The following WDFY3 variants were observed in gnomAD, a reference collection of about 807,000 sequenced individuals.
WDFY3 encodes WD repeat and FYVE domain-containing protein 3.
A neutral mutation model predicts 409.6 loss-of-function variants in WDFY3; 66 were observed. That is an observed-to-expected ratio of 0.16 (90% CI 0.13 to 0.20). The LOEUF (loss-of-function observed/expected upper bound fraction) is 0.20. WDFY3 is among the 10% of genes least tolerant of loss of function. The pLI is 1.00. For missense variants in WDFY3, 3,031 were observed against 4,298.1 expected (o/e 0.71, Z 8.24); for synonymous variants, 1,521 against 1,537.1 (o/e 0.99, Z 0.25).
intron 3 of WDFY3, chr4:84,879,259 T>C (rs1014348212): frequency 6.6e-6 from 1 of 152,222 alleles, no homozygotes; most frequent in Non-Finnish European, 1.5e-5. Context: ...TGGTCTTTGT[T>C]TGAAATAACA....
At chr4:84,953,226 C>CA (rs547010687) in intron 1 of WDFY3, among the ~76,000 whole-genome samples, 107 of 130,856 alleles carry the variant, frequency 8.2e-4, no homozygotes, top group African/African-American at 1.8e-3. Flanking sequence ...TATCTGGTAT[C>CA]AAAAAAAAAA....
At chr4:84,769,425 A>T (rs556422140) in intron 30 of WDFY3, among the ~76,000 whole-genome samples, 435 of 151,728 alleles carry the variant, frequency 2.9e-3, no homozygotes, top group East Asian at 8.2e-3. Context: ...TATTATTATT[A>T]TTTTTTTGAG....
intron 1 of WDFY3, among the ~76,000 whole-genome samples, chr4:84,961,551 T>TAA (rs1774920235): frequency 6.6e-6 from 1 of 152,200 alleles, no homozygotes; most frequent in Admixed American, 6.5e-5. Context: ...TTACAAAAAG[T>TAA]AATTTTAACA....
At chr4:84,762,129 A>C (rs904071056) in intron 32 of WDFY3, among the ~76,000 whole-genome samples, 35 of 152,066 alleles carry the variant, frequency 2.3e-4, no homozygotes, top group Non-Finnish European at 3.8e-4. Context: ...ACCCAAAGGA[A>C]TATAAATCAT....
At chr4:84,673,841 T>A (rs1725823929) in intron 67 of WDFY3, among the ~76,000 whole-genome samples, 1 of 152,242 alleles carries the variant, frequency 6.6e-6, no homozygotes, top group South Asian at 2.1e-4. Context: ...GTCCTCAAAC[T>A]CCTGGCCTCA....
chr4:84,796,557 G>C lies in WDFY3; in HGVS notation c.3131C>G (p.Ala1044Gly). ...AAGTGATGTGTCAAATTCAACAAAA[G>C]CTGGAGTAACTGATGACCCATGAAG... ...IRLHGSSVTP[A>G]FVEFDTSLEG... Residue 1044 changes from alanine to glycine, a missense_variant, in exon 19 of 68, where the codon GCT becomes GGT. By Grantham distance (60) the Ala-to-Gly change is moderately conservative. This residue lies in a region of WDFY3 where 1,322 missense variants were observed against 1,697.9 expected (regional missense o/e 0.78). Coordinates refer to ENST00000295888, the MANE Select transcript of WDFY3 (RefSeq NM_014991.6). 6.2e-7 allele frequency: 1 copy of C among 1,604,364 alleles called. No individual in the cohort carries two copies. The highest frequency in any genetic ancestry group is 1.3e-5 in the African/African-American group (1 of 74,704).
intron 53 of WDFY3, among the ~76,000 whole-genome samples, chr4:84,707,176 C>A (rs908097600): frequency 1.3e-5 from 2 of 152,002 alleles, no homozygotes; most frequent in Non-Finnish European, 2.9e-5. Flanking sequence ...GCGATTTGCC[C>A]TCCTCGGCCT....
chr4:84,872,691 G>C (rs963120746), intron 3 of WDFY3, among the ~76,000 whole-genome samples: 5 of 151,854 alleles, frequency 3.3e-5, no homozygotes, highest in African/African-American at 1.2e-4. Flanking sequence ...AATGTCAGAG[G>C]GGATTAAAAA....
chr4:84,866,173 G>A (rs567739253), intron 3 of WDFY3, among the ~76,000 whole-genome samples: 152 of 152,246 alleles, frequency 1.0e-3, no homozygotes, highest in Middle Eastern at 3.4e-3. Flanking sequence ...GAAAAAATCA[G>A]ATTCCTCCTT....
intron 3 of WDFY3, among the ~76,000 whole-genome samples, chr4:84,868,091 C>G (rs897834226): frequency 5.4e-5 from 7 of 130,242 alleles, no homozygotes; most frequent in African/African-American, 1.1e-4. Flanking sequence ...ATGGCTTGAA[C>G]CCAGGAGGAG....
intron 2 of WDFY3, among the ~76,000 whole-genome samples, chr4:84,914,060 C>T (rs574231798): frequency 2.6e-5 from 4 of 152,276 alleles, no homozygotes; most frequent in Admixed American, 1.3e-4. Flanking sequence ...TTTAAGAATA[C>T]ATATATTATG....
At chr4:84,733,939 T>C (rs927065042) in intron 43 of WDFY3, among the ~76,000 whole-genome samples, 1 of 152,146 alleles carries the variant, frequency 6.6e-6, no homozygotes, top group South Asian at 2.1e-4. Context: ...GTTAGCCCTA[T>C]GTGCGTTAAT....
At chr4:84,749,053 A>G (rs1740022859) in intron 36 of WDFY3, among the ~76,000 whole-genome samples, 1 of 151,946 alleles carries the variant, frequency 6.6e-6, no homozygotes, top group Non-Finnish European at 1.5e-5. Context: ...AACACTGGCT[A>G]TGGCTAATTT....
chr4:84,672,635 G>T lies in WDFY3; in HGVS notation c.*233C>A. The T allele has an allele frequency of 2.8e-6, 1 of 358,398 alleles. No homozygotes were observed. The highest frequency in any genetic ancestry group is 4.9e-6 in the Non-Finnish European group (1 of 204,458). 22.2% of individuals were successfully genotyped at this position (358,398 alleles called of 1,614,324 possible). On this transcript the variant is annotated 3_prime_UTR_variant, in exon 68 of 68. Coordinates refer to ENST00000295888, the MANE Select transcript of WDFY3 (RefSeq NM_014991.6). ...TCAGGGAGAACTGGAGGTCGAAAGT[G>T]TTGCTCCTAGGAACCACCTCATATT...
chr4:84,943,699 T>C (rs1772437173), intron 1 of WDFY3, among the ~76,000 whole-genome samples: 2 of 152,262 alleles, frequency 1.3e-5, no homozygotes, highest in South Asian at 2.1e-4. Context: ...TGAATAAATT[T>C]ATTGAAAAAC....
At chr4:84,702,218 G>T in intron 56 of WDFY3, 135 bp downstream of exon 56, 2 of 1,004,514 alleles carry the variant, frequency 2.0e-6, no homozygotes, top group Admixed American at 3.0e-5. Flanking sequence ...CCCAATTACA[G>T]CAAATGACTG....
chr4:84,932,148 G>A (rs1463436637), intron 2 of WDFY3, 122 bp downstream of exon 2: 7 of 152,108 alleles, frequency 4.6e-5, no homozygotes, highest in East Asian at 1.9e-4. Context: ...GGTAAAGGAC[G>A]GTTGAAACCC....
intron 44 of WDFY3, 33 bp from the exon 45 acceptor site, chr4:84,726,944 G>T: frequency 6.7e-7 from 1 of 1,503,462 alleles, no homozygotes; most frequent in Non-Finnish European, 8.9e-7. Context: ...AGACATATCA[G>T]AAAAAAAAAC....
chr4:84,750,108 ACTTTATC>A (rs1262018369), intron 36 of WDFY3, among the ~76,000 whole-genome samples: 1 of 152,002 alleles, frequency 6.6e-6, no homozygotes, highest in African/African-American at 2.4e-5. Context: ...TCTCTTCTGG[ACTTTATC>A]CTATTATTTT....
Sources: gnomAD v4.1 joint callset for allele counts (sites outside exome capture counted in the v4.1 genomes callset) on GRCh38, gnomAD v4.1.1 for gene constraint, gnomAD v4.1.1 regional missense constraint, MANE v1.5 for transcripts, NCBI Gene and HGNC (gene_info 2026-07-23, HGNC 2026-07-21) for gene names.